CFTR: variants seen among roughly 807,000 people sequenced by gnomAD.
CFTR encodes the protein cystic fibrosis transmembrane conductance regulator.
In CFTR, 181 loss-of-function variants were observed where a neutral mutation model predicts 171.6. The observed-to-expected ratio is 1.05, with a 90% CI of 0.93 to 1.19. The LOEUF is 1.19. CFTR is among the 50% of genes most tolerant of loss of function. CFTR has a pLI of 0.00. For synonymous variants in CFTR, 583 were observed against 608.0 expected (o/e 0.96, Z 0.60); for missense variants, 1,968 against 1,734.7 (o/e 1.13, Z -2.39).
At chr7:117,536,437 C>A in intron 6 of CFTR, 111 bp from the exon 7 acceptor site, 2 of 1,045,524 alleles carry the variant, frequency 1.9e-6, no homozygotes, top group Non-Finnish European at 2.8e-6. Context: ...AAAATAATGC[C>A]CATCTGTTGA....
chr7:117,550,286 G>A (rs1287571267), intron 10 of CFTR, among the ~76,000 whole-genome samples: 3 of 151,238 alleles, frequency 2.0e-5, no homozygotes, highest in Non-Finnish European at 4.4e-5. Context: ...AGGCTGCAGT[G>A]AGCCATGATT....
chr7:117,644,903 C>T (rs991943407), intron 23 of CFTR, among the ~76,000 whole-genome samples: 4 of 152,218 alleles, frequency 2.6e-5, no homozygotes, highest in Admixed American at 6.6e-5. Flanking sequence ...ATTAGAACAA[C>T]AAGATCTAAA....
intron 9 of CFTR, among the ~76,000 whole-genome samples, chr7:117,544,935 C>G (rs908340705): frequency 2.0e-5 from 3 of 152,238 alleles, no homozygotes; most frequent in Admixed American, 1.3e-4. Context: ...CAGACCATGA[C>G]TTCTAAGTCT....
At chr7:117,629,611 G>T (rs896755485) in intron 22 of CFTR, among the ~76,000 whole-genome samples, 4 of 152,176 alleles carry the variant, frequency 2.6e-5, no homozygotes, top group Admixed American at 2.6e-4. Context: ...TGACTTGTTT[G>T]GGAAATCAGG....
intron 3 of CFTR, among the ~76,000 whole-genome samples, chr7:117,511,842 C>T (rs1393000445): frequency 6.6e-6 from 1 of 152,084 alleles, no homozygotes; most frequent in African/African-American, 2.4e-5. Flanking sequence ...TTCTTTTTGT[C>T]TCTTATAAGA....
At chr7:117,601,382 GGAAAGT>G (rs1344983499) in intron 15 of CFTR, among the ~76,000 whole-genome samples, 3 of 152,052 alleles carry the variant, frequency 2.0e-5, no homozygotes, top group African/African-American at 7.2e-5. Flanking sequence ...AAGAAAAGTA[GGAAAGT>G]GAGAAAAATG....
intron 21 of CFTR, among the ~76,000 whole-genome samples, chr7:117,623,199 C>T (rs879551930): frequency 1.3e-5 from 2 of 152,172 alleles, no homozygotes; most frequent in African/African-American, 4.8e-5. Context: ...GAATGGGGTT[C>T]ATTGTGTCAT....
rs1268313112 is a variant in CFTR at position 117,540,336 on chromosome 7, A to G, written c.1106A>G (p.Asn369Ser). ...QTWYDSLGAI[N>S]KIQDFLQKQE... The stretch of plus-strand genomic sequence containing the variant: ...TGGTATGACTCTCTTGGAGCAATAA[A>G]CAAAATACAGGTAATGTACCATAAT... The change falls in exon 8 of 27, where the codon AAC (asparagine) becomes AGC (serine). Residue 369 changes from asparagine to serine, a missense_variant. Transcript: ENST00000003084. 6.2e-7 allele frequency: 1 copy of G among 1,613,608 alleles called. No individual in the cohort carries two copies. Among genetic ancestry groups the G allele is most frequent in the Non-Finnish European group, 8.5e-7 (1 of 1,179,518 alleles).
At chr7:117,505,519 A>G (rs1041535047) in intron 2 of CFTR, among the ~76,000 whole-genome samples, 2 of 152,086 alleles carry the variant, frequency 1.3e-5, no homozygotes, top group African/African-American at 4.8e-5. Context: ...CTTTCTACAT[A>G]AAGTGGGTCC....
intron 1 of CFTR, among the ~76,000 whole-genome samples, chr7:117,496,804 T>G (rs6466613): frequency 0.25 from 37,994 of 152,036 alleles, 5,007 homozygotes; most frequent in East Asian, 0.42. Context: ...ATTGTGTGAG[T>G]GTTTCAATTT....
chr7:117,580,874 T>G (rs904109302), intron 11 of CFTR, among the ~76,000 whole-genome samples: 2 of 152,150 alleles, frequency 1.3e-5, no homozygotes, highest in Non-Finnish European at 2.9e-5. Context: ...AGTATGTTAT[T>G]CAATTAGCAA....
chr7:117,539,472 C>CTGAAT (rs1799012011), intron 7 of CFTR, among the ~76,000 whole-genome samples: 5 of 151,350 alleles, frequency 3.3e-5, no homozygotes, highest in African/African-American at 1.2e-4. Flanking sequence ...GAGACTCATT[C>CTGAAT]AGTCAGTATC....
At chr7:117,516,998 T>C (rs1798605218) in intron 3 of CFTR, among the ~76,000 whole-genome samples, 1 of 152,154 alleles carries the variant, frequency 6.6e-6, no homozygotes, top group African/African-American at 2.4e-5. Flanking sequence ...GTGTGATACA[T>C]GTGCAGAATG....
intron 22 of CFTR, among the ~76,000 whole-genome samples, chr7:117,634,654 A>T (rs762723244): frequency 6.6e-6 from 1 of 151,968 alleles, no homozygotes; most frequent in Non-Finnish European, 1.5e-5. Flanking sequence ...TTGTATTTTC[A>T]TGTTCATTTA....
chr7:117,667,451 C>T lies in CFTR; in HGVS notation c.*343C>T, dbSNP rs1412327460. The T allele has an allele frequency of 2.8e-6, 1 of 358,428 alleles. No homozygotes were observed. Among genetic ancestry groups the T allele is most frequent in the Non-Finnish European group, 5.4e-6 (1 of 184,338 alleles). 22.2% of individuals were successfully genotyped at this position (358,428 alleles called of 1,614,324 possible). A position where few individuals can be genotyped will look rare whatever the true frequency, so the allele number is the denominator to read the frequency against. On this transcript the variant is annotated 3_prime_UTR_variant, in exon 27 of 27. Coordinates refer to ENST00000003084, the MANE Select transcript of CFTR (RefSeq NM_000492.4). ...AATGTCAATCAGCCTAGTTGATCAG[C>T]TTATTGTCTAGTGAAACTCGTTAAT...
chr7:117,588,164 C>T (rs754112509), intron 12 of CFTR, among the ~76,000 whole-genome samples: 5 of 152,056 alleles, frequency 3.3e-5, no homozygotes, highest in Non-Finnish European at 5.9e-5. Context: ...TTAGTTCCAT[C>T]ATAGACCCTG....
intron 1 of CFTR, among the ~76,000 whole-genome samples, chr7:117,495,270 A>G (rs1280446571): frequency 1.3e-5 from 2 of 152,112 alleles, no homozygotes; most frequent in Non-Finnish European, 2.9e-5. Context: ...CTTCATTCCC[A>G]GATAGAATAA....
At chr7:117,549,307 T>G (rs987044470) in intron 10 of CFTR, among the ~76,000 whole-genome samples, 2 of 152,162 alleles carry the variant, frequency 1.3e-5, no homozygotes, top group Admixed American at 6.5e-5. Flanking sequence ...AGTGGGATAG[T>G]TTTTTGAGGA....
intron 22 of CFTR, among the ~76,000 whole-genome samples, chr7:117,637,579 G>T (rs1431078650): frequency 6.6e-6 from 1 of 152,080 alleles, no homozygotes; most frequent in Non-Finnish European, 1.5e-5. Context: ...ATTGTTATAA[G>T]AATAGAATGC....
Sources: gnomAD v4.1 joint callset for allele counts (sites outside exome capture counted in the v4.1 genomes callset) on GRCh38, gnomAD v4.1.1 for gene constraint, MANE v1.5 for transcripts, NCBI Gene and HGNC (gene_info 2026-07-23, HGNC 2026-07-21) for gene names.